Variants in TNK2 observed in about 807,000 individuals in gnomAD.
TNK2 encodes activated CDC42 kinase 1.
Under a neutral mutation model 101.8 loss-of-function variants are expected in TNK2, and 83 were observed. The observed-to-expected ratio is 0.82, with a 90% CI of 0.68 to 0.98. TNK2 has a LOEUF of 0.98. Ranked by LOEUF, TNK2 falls within the 50% of genes least tolerant of loss-of-function variation. The pLI is 0.00. For synonymous variants in TNK2, 804 were observed against 633.0 expected (o/e 1.27, Z -4.06); for missense variants, 1,665 against 1,483.2 (o/e 1.12, Z -2.01).
intron 1 of TNK2, chr3:195,896,185 G>A: frequency 2.2e-6 from 1 of 448,378 alleles, no homozygotes; most frequent in South Asian, 1.6e-5. Context: ...CCAGGGCAGA[G>A]GCTCTTCCTC....
intron 15 of TNK2, among the ~76,000 whole-genome samples, chr3:195,866,178 G>GA (rs1356871801): frequency 6.6e-6 from 1 of 152,020 alleles, no homozygotes; most frequent in Non-Finnish European, 1.5e-5. Context: ...CCTTTTACAG[G>GA]AAAGACAATA....
chr3:195,872,129 G>A, intron 10 of TNK2, 147 bp downstream of exon 10: 8 of 930,752 alleles, frequency 8.6e-6, no homozygotes, highest in African/African-American at 1.7e-5. Context: ...CCGAGAGTAA[G>A]GCCAGGGTGA....
chr3:195,879,207 C>G, intron 6 of TNK2, 32 bp from the exon 7 acceptor site: 4 of 1,611,226 alleles, frequency 2.5e-6, no homozygotes, highest in Non-Finnish European at 3.4e-6. Flanking sequence ...GAGAAGCCCT[C>G]TCAAACACCC....
chr3:195,903,231 G>A (rs1443346692), intron 1 of TNK2, among the ~76,000 whole-genome samples: 6 of 151,122 alleles, frequency 4.0e-5, no homozygotes, highest in Admixed American at 2.6e-4. Context: ...TAGTGGAGGC[G>A]GGGTTTCACC....
Position 195,872,443 on chromosome 3 carries a change from C to T in TNK2, c.1284G>A (p.Gln428=). 6.2e-7 allele frequency: 1 copy of T among 1,605,442 alleles called. No individual in the cohort carries two copies. Among genetic ancestry groups the T allele is most frequent in the Non-Finnish European group, 8.5e-7 (1 of 1,175,048 alleles). Residue 428 remains glutamine, a synonymous_variant, in exon 10 of 16, where the codon CAG becomes CAA. Coordinates refer to ENST00000672887, the MANE Select transcript of TNK2 (RefSeq NM_001382273.1). ...GCCCCACACACAGCGTCCGTGTGTT[C>T]TGGCCACGCCACCAGTAGTTCTCGG... ...GRAENYWWRG[Q]NTRTLCVGPF...
chr3:195,889,288 A>T (rs974247023), intron 1 of TNK2, among the ~76,000 whole-genome samples: 4 of 152,206 alleles, frequency 2.6e-5, no homozygotes, highest in African/African-American at 9.7e-5. Flanking sequence ...GTCAGAAGAA[A>T]CTGTGGCCCA....
intron 6 of TNK2, among the ~76,000 whole-genome samples, chr3:195,880,720 C>CCG (rs1428946432): frequency 5.1e-5 from 4 of 77,756 alleles, no homozygotes; most frequent in Non-Finnish European, 7.4e-5. Context: ...CCTGTAACAC[C>CCG]CCCCCAGCAA....
At position 195,883,178 on chromosome 3, in the gene TNK2, C is replaced by T. The variant is rs1338383267; in HGVS notation, c.588G>A (p.Val196=). The T allele has an allele frequency of 1.9e-6, 3 of 1,607,600 alleles. No individual in the cohort carries two copies. In the Admixed American group the frequency reaches 5.0e-5, roughly 27 times the overall value. Residue 196 remains valine, a synonymous_variant, in exon 5 of 16, where the codon GTG becomes GTA. Coordinates refer to ENST00000672887, the MANE Select transcript of TNK2 (RefSeq NM_001382273.1). ...TCACCATCTTCATGGGCGGCGTGAG[C>T]ACCACCCCGTAGAGGCGGATGAGGT... ...HRNLIRLYGV[V]LTPPMKMVTE...
intron 1 of TNK2, among the ~76,000 whole-genome samples, chr3:195,899,573 G>A (rs936842412): frequency 3.3e-5 from 5 of 152,094 alleles, no homozygotes; most frequent in African/African-American, 7.2e-5. Context: ...CTCATGATCC[G>A]CCCACCTCAG....
At position 195,888,343 on chromosome 3, in the gene TNK2, T is replaced by TGCCACCC; in HGVS notation, c.163+76_163+82dup. ...AGGGCTCTGGGACAGAGTTCTCAGC[T>TGCCACCC]GCCACCCGTGCACCGAGTGGTCCTG... On this transcript the variant is annotated intron_variant, in intron 2 of 15. Transcript: ENST00000672887. This position sits in a 1 kb window ranked among gnomAD's most constrained non-coding sequence, Gnocchi z 5.3. The TGCCACCC allele has an allele frequency of 6.9e-7, 1 of 1,457,122 alleles. No homozygotes were observed. Among genetic ancestry groups the TGCCACCC allele is most frequent in the African/African-American group, 1.4e-5 (1 of 71,402 alleles). 90.3% of individuals were successfully genotyped at this position (1,457,122 alleles called of 1,614,324 possible). A position where few individuals can be genotyped will look rare whatever the true frequency, so the allele number is the denominator to read the frequency against.
chr3:195,889,233 C>T (rs1757388525), intron 1 of TNK2, among the ~76,000 whole-genome samples: 1 of 152,060 alleles, frequency 6.6e-6, no homozygotes, highest in African/African-American at 2.4e-5. Flanking sequence ...GCGGTGGGCT[C>T]GCAGACACCC....
intron 1 of TNK2, among the ~76,000 whole-genome samples, chr3:195,899,333 A>T (rs1479917111): frequency 1.4e-5 from 2 of 147,226 alleles, no homozygotes; most frequent in South Asian, 2.1e-4. Context: ...AGCCAAAATA[A>T]TTTTTTTTTT....
At chr3:195,870,464 G>A (rs1744316053) in intron 10 of TNK2, 1 of 1,262,788 alleles carries the variant, frequency 7.9e-7, no homozygotes, top group South Asian at 1.3e-5. Flanking sequence ...TACAAGGGCA[G>A]AGGTGGTCCT....
chr3:195,869,392 CACCT>C, intron 12 of TNK2, 101 bp downstream of exon 12: 11 of 1,064,374 alleles, frequency 1.0e-5, no homozygotes, highest in Non-Finnish European at 1.3e-5. Flanking sequence ...CACACCCACC[CACCT>C]CCCCTCCGGC....
Position 195,885,054 on chromosome 3 carries a change from G to A in TNK2, c.235-21C>T. On this transcript the variant is annotated intron_variant, in intron 3 of 15. Coordinates refer to ENST00000672887, the MANE Select transcript of TNK2 (RefSeq NM_001382273.1). This position sits in a 1 kb window ranked among gnomAD's most constrained non-coding sequence, Gnocchi z 4.7. ...AACACCTGTTTGAAGGCAGCCGGGG[G>A]CCAGATGGAATCCAACACCCCAGGG... is the stretch of plus-strand genomic sequence containing the variant. 1 of 1,566,438 alleles carries A rather than the reference G, an allele frequency of 6.4e-7. No individual in the cohort carries two copies.
chr3:195,882,545 A>T lies in TNK2; in HGVS notation c.610-217T>A, dbSNP rs978737512. 8.5e-6 allele frequency: 13 copies of T among 1,527,864 alleles called. No individual in the cohort carries two copies. Among genetic ancestry groups the T allele is most frequent in the Non-Finnish European group, 1.1e-5 (13 of 1,142,114 alleles). 94.6% of individuals were successfully genotyped at this position (1,527,864 alleles called of 1,614,324 possible). On this transcript the variant is annotated intron_variant, in intron 5 of 15. Coordinates refer to ENST00000672887, the MANE Select transcript of TNK2 (RefSeq NM_001382273.1). This position sits in a 1 kb window ranked among gnomAD's most constrained non-coding sequence, Gnocchi z 4.2. Reference sequence around the variant, plus strand: ...ACTGATGCCTAGAGAGAAGGAGCCCAAAGAGGCAGTGGCTAGAAATTCCAA... The same window carrying T: ...ACTGATGCCTAGAGAGAAGGAGCCCTAAGAGGCAGTGGCTAGAAATTCCAA...
chr3:195,896,181 C>T (rs1180872816), intron 1 of TNK2: 1 of 451,306 alleles, frequency 2.2e-6, no homozygotes, highest in African/African-American at 2.0e-5. Context: ...AGTCCCAGGG[C>T]AGAGGCTCTT....
chr3:195,897,478 G>C (rs916206849), intron 1 of TNK2, among the ~76,000 whole-genome samples: 6 of 152,166 alleles, frequency 3.9e-5, no homozygotes, highest in Admixed American at 6.5e-5. Flanking sequence ...CCATGGTCCA[G>C]CCCTGAAGCC....
At position 195,895,336 on chromosome 3, in the gene TNK2, A is replaced by G. The variant is rs770111358; in HGVS notation, c.-18-6730T>C. The G allele has an allele frequency of 2.5e-6, 4 of 1,569,332 alleles. No individual in the cohort carries two copies. The East Asian group carries it at 1.0e-4, about 39-fold the overall frequency. The stretch of plus-strand genomic sequence containing the variant: ...TCCCAGCGGCTGCGGTCAGGGAGAG[A>G]AGCAGCGCCCGCAGCCCCCGCCCCG... On this transcript the variant is annotated intron_variant, in intron 1 of 15. Coordinates refer to ENST00000672887, the MANE Select transcript of TNK2 (RefSeq NM_001382273.1).
Sources: allele counts gnomAD v4.1 joint callset (sites outside exome capture counted in the v4.1 genomes callset), GRCh38; gene constraint gnomAD v4.1.1; non-coding constraint Gnocchi (gnomAD v3.1); transcripts MANE v1.5; gene names NCBI Gene and HGNC (gene_info 2026-07-23, HGNC 2026-07-21).